The following RNF180 variants were observed in gnomAD, a reference collection of about 807,000 sequenced individuals.
RNF180 encodes the protein E3 ubiquitin-protein ligase RNF180.
In RNF180, 38 loss-of-function variants were observed where a neutral mutation model predicts 59.2. That is an observed-to-expected ratio of 0.64 (90% CI 0.50 to 0.84). RNF180 has a LOEUF of 0.84. RNF180 is among the 40% of genes least tolerant of loss of function. RNF180 has a pLI of 0.00. For missense variants in RNF180, 705 were observed against 700.9 expected (o/e 1.01, Z -0.07); for synonymous variants, 262 against 240.3 (o/e 1.09, Z -0.84).
At chr5:64,350,553 A>T (rs1437471416) in intron 7 of RNF180, among the ~76,000 whole-genome samples, 1 of 152,166 alleles carries the variant, frequency 6.6e-6, no homozygotes, top group Non-Finnish European at 1.5e-5. Flanking sequence ...TCTAACATTT[A>T]ACTCTTTAAT....
At chr5:64,172,342 C>G (rs1749982566) in intron 1 of RNF180, among the ~76,000 whole-genome samples, 1 of 152,064 alleles carries the variant, frequency 6.6e-6, no homozygotes, top group Non-Finnish European at 1.5e-5. Context: ...GTTGTACTAC[C>G]CTTTTTCATT....
In RNF180 at chr5:64,293,706, A is replaced by C. The variant is rs556337205; in HGVS notation, c.1228-31480A>C. On this transcript the variant is annotated intron_variant, in intron 5 of 7. Coordinates refer to ENST00000389100, the MANE Select transcript of RNF180 (RefSeq NM_001113561.2). ...TGGAAAGTTGGGTAATAGGTGATTT[A>C]TTGGTGATCTACTTAGTATTACTTC... is the stretch of plus-strand genomic sequence containing the variant. 8.5e-5 allele frequency among the ~76,000 whole-genome samples: 13 copies of C among 152,204 alleles called. No homozygotes were observed. The South Asian group carries it at 2.3e-3, about 27-fold the overall frequency.
intron 1 of RNF180, among the ~76,000 whole-genome samples, chr5:64,170,548 G>T (rs1010315897): frequency 1.3e-5 from 2 of 152,184 alleles, no homozygotes; most frequent in Admixed American, 6.5e-5. Flanking sequence ...AGAAGCAACT[G>T]GTTATGACAG....
chr5:64,180,540 C>T (rs1478407808), intron 1 of RNF180, among the ~76,000 whole-genome samples: 1 of 152,016 alleles, frequency 6.6e-6, no homozygotes, highest in East Asian at 1.9e-4. Context: ...CAAAATTTAC[C>T]ACAAAACCAA....
rs1746404361 is a variant in RNF180, at chr5:64,365,295, T to C, written c.1580-4320T>C. On this transcript the variant is annotated intron_variant, in intron 7 of 7. Transcript: ENST00000389100. The stretch of plus-strand genomic sequence containing the variant: ...AGTCATTCAGAAGCAGGTTGTTTAA[T>C]TTCCATGTAAATATATAGTTTTGGG... Among the ~76,000 whole-genome samples the C allele has an allele frequency of 2.0e-5, 3 of 151,780 alleles. No homozygotes were observed. The South Asian group carries it at 6.2e-4, about 31-fold the overall frequency.
intron 1 of RNF180, among the ~76,000 whole-genome samples, chr5:64,177,526 C>CATACATATATATAT (rs1424583091): frequency 9.5e-6 from 1 of 105,196 alleles, no homozygotes; most frequent in East Asian, 4.8e-4. Context: ...TAAATTATGC[C>CATACATATATATAT]ATATATATAT....
At chr5:64,253,833 T>C (rs1743746252) in intron 5 of RNF180, among the ~76,000 whole-genome samples, 1 of 152,188 alleles carries the variant, frequency 6.6e-6, no homozygotes, top group African/African-American at 2.4e-5. Context: ...TATTAAACTT[T>C]TAAACAAACC....
intron 7 of RNF180, among the ~76,000 whole-genome samples, chr5:64,366,652 A>C (rs1746460806): frequency 6.6e-6 from 1 of 151,580 alleles, no homozygotes; most frequent in South Asian, 2.1e-4. Context: ...ACTTTAAGAC[A>C]GGTCTCTTGA....
intron 5 of RNF180, among the ~76,000 whole-genome samples, chr5:64,238,496 A>G (rs1742588219): frequency 6.6e-6 from 1 of 152,040 alleles, no homozygotes; most frequent in Admixed American, 6.6e-5. Flanking sequence ...CCTCACTAAC[A>G]TTTGTTGTCT....
chr5:64,351,766 G>T, intron 7 of RNF180, among the ~76,000 whole-genome samples: 1 of 151,712 alleles, frequency 6.6e-6, no homozygotes, highest in Admixed American at 6.6e-5. Flanking sequence ...ACTTGATCAT[G>T]GTGGATAAGC....
rs1281667132 is a variant in RNF180, at chr5:64,202,711, TC to T, written c.135+1771del. ...TATCATTACAGCTTTAATTTTCATT[TC>T]CTTGGTGACTAATGATGTAGCGTAC... On this transcript the variant is annotated intron_variant, in intron 2 of 7. Coordinates refer to ENST00000389100, the MANE Select transcript of RNF180 (RefSeq NM_001113561.2). 5.9e-5 allele frequency among the ~76,000 whole-genome samples: 9 copies of T among 152,324 alleles called. 1 individual carries two copies. Among genetic ancestry groups the T allele is most frequent in the Non-Finnish European group, 1.0e-4 (7 of 68,018 alleles).
chr5:64,274,253 G>A (rs1741590629), intron 5 of RNF180, among the ~76,000 whole-genome samples: 1 of 151,298 alleles, frequency 6.6e-6, no homozygotes, highest in African/African-American at 2.4e-5. Flanking sequence ...TCTCCATTTG[G>A]GTACTTTTTT....
chr5:64,273,753 G>A (rs1436437873), intron 5 of RNF180, among the ~76,000 whole-genome samples: 1 of 151,970 alleles, frequency 6.6e-6, no homozygotes, highest in Non-Finnish European at 1.5e-5. Flanking sequence ...GGAGGTCACT[G>A]AAAGAAAAGG....
chr5:64,321,724 A>T lies in RNF180; in HGVS notation c.1228-3462A>T, dbSNP rs543468548. On this transcript the variant is annotated intron_variant, in intron 5 of 7. Transcript: ENST00000389100. ...ATAGCCAAGACAATCCTAAGCAAAA[A>T]GAAGAAGGCTGGAGGCATCATGCTT... is the stretch of plus-strand genomic sequence containing the variant. Among the ~76,000 whole-genome samples the T allele has an allele frequency of 2.0e-5, 3 of 152,306 alleles. No individual in the cohort carries two copies. In the East Asian group the frequency reaches 5.8e-4, roughly 29 times the overall value.
chr5:64,199,473 T>C (rs1381404177), intron 1 of RNF180, among the ~76,000 whole-genome samples: 1 of 152,066 alleles, frequency 6.6e-6, no homozygotes, highest in Non-Finnish European at 1.5e-5. Flanking sequence ...TTTCTAGGAG[T>C]GGGTCCTAGG....
In RNF180 at chr5:64,317,597, T is replaced by TAC. The variant is rs750376789; in HGVS notation, c.1228-7569_1228-7568dup. On this transcript the variant is annotated intron_variant, in intron 5 of 7. Transcript: ENST00000389100. ...ATATACACATATATATACATATTTA[T>TAC]ACACACACACACACACACACATATA... Among the ~76,000 whole-genome samples the TAC allele has an allele frequency of 7.8e-3, 972 of 123,872 alleles. 4 individuals are homozygous for TAC. The highest frequency in any genetic ancestry group is 0.033 in the South Asian group (129 of 3,944). The allele number at this position is 123,872 out of a possible 152,430, so 81.3% of individuals were successfully genotyped here.
chr5:64,225,914 C>A (rs1741709939), intron 5 of RNF180, among the ~76,000 whole-genome samples: 4 of 121,230 alleles, frequency 3.3e-5, no homozygotes, highest in Admixed American at 9.0e-5. Context: ...ATCTGGCCAC[C>A]CCATCTGGGA....
chr5:64,235,824 G>A (rs1018837088), intron 5 of RNF180, among the ~76,000 whole-genome samples: 13 of 152,112 alleles, frequency 8.5e-5, no homozygotes, highest in African/African-American at 2.9e-4. Context: ...TCTTTCTCCT[G>A]TCACCATGTA....
At chr5:64,289,518 C>T (rs1462193389) in intron 5 of RNF180, among the ~76,000 whole-genome samples, 1 of 152,042 alleles carries the variant, frequency 6.6e-6, no homozygotes, top group African/African-American at 2.4e-5. Flanking sequence ...TCCTCCTGGT[C>T]CTGGGCTTTT....
Sources: allele counts gnomAD v4.1 joint callset (sites outside exome capture counted in the v4.1 genomes callset), GRCh38; gene constraint gnomAD v4.1.1; transcripts MANE v1.5; gene names NCBI Gene and HGNC (gene_info 2026-07-23, HGNC 2026-07-21).